Variants in IL1RAPL1 observed in about 807,000 individuals in gnomAD.
IL1RAPL1 encodes interleukin-1 receptor accessory protein-like 1.
A neutral mutation model predicts 48.4 loss-of-function variants in IL1RAPL1; 3 were observed. The observed-to-expected ratio is 0.06, with a 90% CI of 0.03 to 0.16. The LOEUF is 0.16. Ranked by LOEUF, IL1RAPL1 falls within the 10% of genes least tolerant of loss-of-function variation. The probability of loss-of-function intolerance (pLI) is 1.00; values close to 1 mark genes in which losing one functional copy is unlikely to be tolerated. For missense variants in IL1RAPL1, 349 were observed against 530.6 expected (o/e 0.66, Z 3.36); for synonymous variants, 185 against 187.7 (o/e 0.99, Z 0.12).
intron 5 of IL1RAPL1, among the ~76,000 whole-genome samples, chrX:29,416,152 G>A (rs1378535032): frequency 3.6e-5 from 4 of 111,833 alleles, no homozygotes; most frequent in African/African-American, 6.5e-5. Flanking sequence ...GGAACAGTGA[G>A]AACTTAGGTA....
chrX:29,370,983 C>T (rs1458485206), intron 3 of IL1RAPL1, among the ~76,000 whole-genome samples: 2 of 109,824 alleles, frequency 1.8e-5, no homozygotes, highest in Non-Finnish European at 3.8e-5. Flanking sequence ...TATCCATCAC[C>T]TCAAACATTT....
chrX:28,638,026 G>A (rs984274082), intron 1 of IL1RAPL1, among the ~76,000 whole-genome samples: 3 of 111,622 alleles, frequency 2.7e-5, no homozygotes, highest in African/African-American at 9.8e-5. Flanking sequence ...TATATATCTT[G>A]GAATTTTTCT....
At chrX:28,915,028 G>C (rs1336846244) in intron 2 of IL1RAPL1, among the ~76,000 whole-genome samples, 1 of 111,611 alleles carries the variant, frequency 9.0e-6, no homozygotes, top group Non-Finnish European at 1.9e-5. Context: ...GACAGATGAT[G>C]GGGGGCAGGG....
intron 2 of IL1RAPL1, among the ~76,000 whole-genome samples, chrX:29,099,953 C>A (rs1181839046): frequency 9.0e-6 from 1 of 111,125 alleles, no homozygotes; most frequent in African/African-American, 3.3e-5. Flanking sequence ...GTGGCTCATG[C>A]CTGTAATCCT....
At chrX:29,866,446 G>C (rs1931697378) in intron 6 of IL1RAPL1, among the ~76,000 whole-genome samples, 1 of 110,682 alleles carries the variant, frequency 9.0e-6, no homozygotes, top group African/African-American at 3.3e-5. Context: ...GAATTATAAA[G>C]ACGCTCTTTT....
chrX:28,671,828 C>T (rs1206370679), intron 1 of IL1RAPL1, among the ~76,000 whole-genome samples: 1 of 111,609 alleles, frequency 9.0e-6, no homozygotes, highest in East Asian at 2.8e-4. Context: ...TATTTATTTC[C>T]CAGTGCTTTC....
At chrX:28,693,290 G>C (rs906378503) in intron 1 of IL1RAPL1, among the ~76,000 whole-genome samples, 7 of 112,129 alleles carry the variant, frequency 6.2e-5, no homozygotes, top group Non-Finnish European at 1.3e-4. Context: ...TCCAGCACAT[G>C]CCTGATAGGA....
At position 29,069,715 on chromosome X, in the gene IL1RAPL1, G is replaced by T. The variant is rs924117265; in HGVS notation, c.83-213223G>T. 2.3e-4 allele frequency among the ~76,000 whole-genome samples: 25 copies of T among 108,302 alleles called. 2 individuals carry two copies. Among genetic ancestry groups the T allele is most frequent in the Non-Finnish European group, 3.8e-5 (2 of 52,266 alleles). The allele number at this position is 108,302 out of a possible 115,157, so 94.0% of individuals were successfully genotyped here. ...TATATTTTCAGAGAAATCTATGCAT[G>T]ATCTTCTGTCATGCAATCCTATCAA... On this transcript the variant is annotated intron_variant, in intron 2 of 10. Coordinates refer to ENST00000378993, the MANE Select transcript of IL1RAPL1 (RefSeq NM_014271.4).
chrX:28,944,958 G>A (rs1355949350), intron 2 of IL1RAPL1, among the ~76,000 whole-genome samples: 2 of 110,076 alleles, frequency 1.8e-5, no homozygotes, highest in East Asian at 2.9e-4. Flanking sequence ...CTGTGTGTGT[G>A]TATATATATG....
intron 6 of IL1RAPL1, 29 bp downstream of exon 6, chrX:29,668,533 T>C (rs1441894596): frequency 3.9e-6 from 4 of 1,019,493 alleles, no homozygotes; most frequent in African/African-American, 3.7e-5. Flanking sequence ...CTAGTTAATA[T>C]GCTGCTCTCG....
chrX:29,333,978 A>G (rs867992013), intron 3 of IL1RAPL1, among the ~76,000 whole-genome samples: 5 of 25,339 alleles, frequency 2.0e-4, no homozygotes, highest in Admixed American at 7.6e-4. Flanking sequence ...CGGGGGGCTG[A>G]CCCCCCCACC....
chrX:28,649,075 T>A (rs1175569767), intron 1 of IL1RAPL1, among the ~76,000 whole-genome samples: 1 of 112,130 alleles, frequency 8.9e-6, no homozygotes, highest in Admixed American at 9.5e-5. Context: ...TGTCTGTATC[T>A]CCATTTCCTG....
chrX:29,301,765 T>C (rs896593966), intron 3 of IL1RAPL1, among the ~76,000 whole-genome samples: 14 of 111,203 alleles, frequency 1.3e-4, no homozygotes, highest in African/African-American at 4.3e-4. Context: ...AAATTATCTG[T>C]ATCACTGTAC....
intron 2 of IL1RAPL1, among the ~76,000 whole-genome samples, chrX:29,042,639 T>C (rs750644024): frequency 3.4e-4 from 38 of 111,803 alleles, no homozygotes; most frequent in Non-Finnish European, 5.8e-4. Flanking sequence ...AGGAAAAGTT[T>C]TATTGAATTG....
chrX:29,766,478 AATAT>A (rs72187911), intron 6 of IL1RAPL1, among the ~76,000 whole-genome samples: 6 of 92,367 alleles, frequency 6.5e-5, no homozygotes, highest in Non-Finnish European at 1.2e-4. Flanking sequence ...TATATATCCA[AATAT>A]ATATATATAT....
Position 28,588,961 on chromosome X carries a change from T to C in IL1RAPL1, c.-25+914T>C, listed in dbSNP as rs1427702946. 2.7e-5 allele frequency among the ~76,000 whole-genome samples: 3 copies of C among 112,063 alleles called. No individual in the cohort carries two copies. In the East Asian group the frequency reaches 8.4e-4, roughly 31 times the overall value. On this transcript the variant is annotated intron_variant, in intron 1 of 10. Transcript: ENST00000378993. ...ACTTCCCCTAACCTTAAGTTGAAGA[T>C]GTGTCCTGTCTGCTACATCTATTTT...
intron 2 of IL1RAPL1, among the ~76,000 whole-genome samples, chrX:29,267,839 G>A (rs1001417588): frequency 9.0e-6 from 1 of 111,565 alleles, no homozygotes; most frequent in African/African-American, 3.3e-5. Flanking sequence ...TTGGAACTTT[G>A]AAACTTCCAT....
At chrX:28,890,819 C>T (rs973771492) in intron 2 of IL1RAPL1, among the ~76,000 whole-genome samples, 3 of 111,978 alleles carry the variant, frequency 2.7e-5, no homozygotes, top group East Asian at 5.6e-4. Context: ...ATTGTGCCCT[C>T]ATAGAAACCA....
chrX:28,968,105 T>C (rs193268679), intron 2 of IL1RAPL1, among the ~76,000 whole-genome samples: 149 of 111,722 alleles, frequency 1.3e-3, no homozygotes, highest in African/African-American at 4.7e-3. Flanking sequence ...AAATGTAGTT[T>C]TGAAAGTCTC....
Sources: allele counts gnomAD v4.1 joint callset (sites outside exome capture counted in the v4.1 genomes callset), GRCh38; gene constraint gnomAD v4.1.1; transcripts MANE v1.5; gene names NCBI Gene and HGNC (gene_info 2026-07-23, HGNC 2026-07-21).